Variants in UBE3B observed in about 807,000 individuals in gnomAD.
UBE3B encodes the protein ubiquitin protein ligase E3B.
In UBE3B, 80 loss-of-function variants were observed where a neutral mutation model predicts 132.3. The ratio of observed to expected loss-of-function variants is 0.60; its 90% CI spans 0.50 to 0.73. The LOEUF is 0.73. Ranked by LOEUF, UBE3B falls within the 30% of genes least tolerant of loss-of-function variation. The pLI is 0.00. For synonymous variants in UBE3B, 487 were observed against 520.4 expected, an observed-to-expected ratio of 0.94 and a Z score of 0.87; for missense variants, 1,196 against 1,362.5, an observed-to-expected ratio of 0.88 and a Z score of 1.92.
downstream of UBE3B, among the ~76,000 whole-genome samples, chr12:109,539,729 C>T (rs1225346212): frequency 2.6e-5 from 4 of 152,134 alleles, no homozygotes; most frequent in Admixed American, 2.0e-4. Flanking sequence ...CCTTGCAAGA[C>T]GCTTTGGCTG....
chr12:109,481,182 T>G (rs1317316455), intron 1 of UBE3B, among the ~76,000 whole-genome samples: 1 of 151,478 alleles, frequency 6.6e-6, no homozygotes, highest in Non-Finnish European at 1.5e-5. Context: ...TAGGGTATGG[T>G]GGCACACACC....
At chr12:109,545,485 C>T in the UBE3B span, among the ~76,000 whole-genome samples, 23 of 152,222 alleles carry the variant, frequency 1.5e-4, no homozygotes, top group African/African-American at 5.5e-4. Flanking sequence ...GCATCTAGTG[C>T]TGTGCTATTC....
Position 109,534,659 on chromosome 12 carries a change from C to T in UBE3B, c.3084C>T (p.Gly1028=), listed in dbSNP as rs1446322107. Residue 1028 remains glycine, a synonymous_variant, in exon 28 of 28, where the codon GGC becomes GGT. Coordinates refer to ENST00000342494, the MANE Select transcript of UBE3B (RefSeq NM_130466.4). The surrounding 1 kb of genome is among the most constrained non-coding windows in gnomAD (Gnocchi z 5.2). The part of the protein sequence containing the change: ...FFTIRKREPG[G]RLPTSSTCFN... Reference sequence around the variant, plus strand: ...CCATCCGCAAGCGGGAGCCAGGCGGCCGCCTGCCCACCTCCTCCACCTGCT... The same window carrying T: ...CCATCCGCAAGCGGGAGCCAGGCGGTCGCCTGCCCACCTCCTCCACCTGCT... 1 of 1,611,626 alleles carries T rather than the reference C, an allele frequency of 6.2e-7. No homozygotes were observed. The highest frequency in any genetic ancestry group is 8.5e-7 in the Non-Finnish European group (1 of 1,178,934).
chr12:109,524,060 T>C lies in UBE3B; in HGVS notation c.2447T>C (p.Val816Ala). The C allele has an allele frequency of 1.2e-6, 2 of 1,614,208 alleles. No homozygotes were observed. Among genetic ancestry groups the C allele is most frequent in the Non-Finnish European group, 8.5e-7 (1 of 1,180,030 alleles). Residue 816 changes from valine to alanine, a missense_variant, in exon 22 of 28, where the codon GTG becomes GCG. By Grantham distance (64) the Val-to-Ala change is moderately conservative. Transcript: ENST00000342494. Reference sequence around the variant, plus strand: ...CACCACAGCGTCTTCTATAGCTCGGTGGATGAACTGCCTTCTCTGGACTCC... The same window carrying C: ...CACCACAGCGTCTTCTATAGCTCGGCGGATGAACTGCCTTCTCTGGACTCC... ...GHHHSVFYSS[V>A]DELPSLDSEF... is the part of the protein sequence containing the mutation.
At chr12:109,525,562 A>C (rs1882248564) in intron 23 of UBE3B, among the ~76,000 whole-genome samples, 1 of 152,206 alleles carries the variant, frequency 6.6e-6, no homozygotes, top group Non-Finnish European at 1.5e-5. Flanking sequence ...TAGAATCTTC[A>C]CAGAATTTCT....
intron 12 of UBE3B, among the ~76,000 whole-genome samples, chr12:109,500,716 C>T (rs970377609): frequency 6.6e-6 from 1 of 152,196 alleles, no homozygotes; most frequent in Admixed American, 6.5e-5. Context: ...CTTGCTTTGC[C>T]TTGCTTTCCT....
At chr12:109,524,617 C>T in intron 23 of UBE3B, 114 bp downstream of exon 23, 10 of 1,174,866 alleles carry the variant, frequency 8.5e-6, no homozygotes, top group Non-Finnish European at 1.2e-5. Context: ...TGTCTGGTCC[C>T]TTGTCCTCCC....
In UBE3B at chr12:109,477,713, C is replaced by CAGT. The variant is rs1360286865; in HGVS notation, c.-523_-521dup. On this transcript the variant is annotated 5_prime_UTR_variant, in exon 1 of 28. Transcript: ENST00000342494. ...AGAACTCGGGTGTTTTGGGCTGAGA[C>CAGT]AGTGGCAGCTGCGGCCCCGACCCCA... 5.7e-6 allele frequency: 1 copy of CAGT among 174,378 alleles called. No individual in the cohort carries two copies. 10.8% of individuals were successfully genotyped at this position (174,378 alleles called of 1,614,324 possible). A position where few individuals can be genotyped will look rare whatever the true frequency, so the allele number is the denominator to read the frequency against.
chr12:109,509,930 G>A (rs1433074828), intron 16 of UBE3B, among the ~76,000 whole-genome samples: 3 of 152,166 alleles, frequency 2.0e-5, no homozygotes, highest in African/African-American at 7.2e-5. Flanking sequence ...GCTCCCTTCA[G>A]GATTTGCATG....
chr12:109,530,023 C>T lies in UBE3B; in HGVS notation c.2761C>T (p.Gln921Ter). The change falls in exon 25 of 28, where the codon CAG (glutamine) becomes TAG (stop). Residue 921 changes from glutamine (Q) to a stop codon, truncating the protein, a stop_gained. Transcript: ENST00000342494. LOFTEE classifies it high-confidence loss of function. ...CCGAATGTTCTCAACTCCTGAACTG[C>T]AGCGTCTCATCTCTGGCGACAATGC... ...WIRMFSTPEL[Q>*]RLISGDNAEI... The T allele has an allele frequency of 2.5e-6, 4 of 1,613,996 alleles. No homozygotes were observed. Among genetic ancestry groups the T allele is most frequent in the Non-Finnish European group, 3.4e-6 (4 of 1,180,022 alleles).
At chr12:109,539,871 G>A (rs760189196), downstream of UBE3B, among the ~76,000 whole-genome samples, 8 of 151,994 alleles carry the variant, frequency 5.3e-5, no homozygotes, top group South Asian at 4.2e-4. Context: ...TCCTCCACCC[G>A]GGGACCAGCA....
intron 23 of UBE3B, 116 bp downstream of exon 23, chr12:109,524,619 T>A (rs1254757736): frequency 8.7e-7 from 1 of 1,148,692 alleles, no homozygotes; most frequent in East Asian, 2.5e-5. Context: ...TCTGGTCCCT[T>A]GTCCTCCCCA....
chr12:109,508,797 C>T (rs1484555131), intron 15 of UBE3B: 8 of 938,738 alleles, frequency 8.5e-6, no homozygotes, highest in Non-Finnish European at 1.0e-5. Context: ...TCTTAAATGG[C>T]TCATTTATTC....
chr12:109,521,312 C>CA lies in UBE3B; in HGVS notation c.2243dup (p.Asn748LysfsTer10). The stretch of plus-strand genomic sequence containing the variant: ...TCAAGAGAGTTTTTGACCCAGCACT[C>CA]AATCTGTTCAAGGTATTTAAGGGGA... On this transcript the variant is annotated frameshift_variant, in exon 20 of 28. Coordinates refer to ENST00000342494, the MANE Select transcript of UBE3B (RefSeq NM_130466.4). LOFTEE classifies it high-confidence loss of function. The surrounding 1 kb of genome is among the most constrained non-coding windows in gnomAD (Gnocchi z 4.2). 1 of 1,614,178 alleles carries CA rather than the reference C, an allele frequency of 6.2e-7. No individual in the cohort carries two copies. Among genetic ancestry groups the CA allele is most frequent in the Non-Finnish European group, 8.5e-7 (1 of 1,180,036 alleles).
chr12:109,531,810 A>G (rs1882969326), intron 26 of UBE3B, among the ~76,000 whole-genome samples: 1 of 152,086 alleles, frequency 6.6e-6, no homozygotes, highest in Non-Finnish European at 1.5e-5. Flanking sequence ...CTGCCAAGCT[A>G]TAAAACGGCT....
intron 14 of UBE3B, among the ~76,000 whole-genome samples, chr12:109,503,562 C>G (rs1247639131): frequency 6.6e-6 from 1 of 152,084 alleles, no homozygotes; most frequent in African/African-American, 2.4e-5. Context: ...GTGTACTGCA[C>G]ATATAAAATA....
At position 109,521,631 on chromosome 12, in the gene UBE3B, C is replaced by T. The variant is rs1261323496; in HGVS notation, c.2364+80C>T. 6 of 1,290,424 alleles carry T rather than the reference C, an allele frequency of 4.6e-6. No individual in the cohort carries two copies. The Admixed American group carries it at 1.3e-4, about 27-fold the overall frequency. 79.9% of individuals were successfully genotyped at this position (1,290,424 alleles called of 1,614,324 possible). ...GCTTCTTCACATACACATATGTGAT[C>T]AGGCTTGGCCATGTAAACTGTCACT... On this transcript the variant is annotated intron_variant, in intron 21 of 27. Transcript: ENST00000342494. The surrounding 1 kb of genome is among the most constrained non-coding windows in gnomAD (Gnocchi z 4.2).
intron 9 of UBE3B, among the ~76,000 whole-genome samples, chr12:109,496,429 A>G (rs1235070977): frequency 6.6e-6 from 1 of 152,232 alleles, no homozygotes; most frequent in Non-Finnish European, 1.5e-5. Flanking sequence ...GTCATGTGGT[A>G]ACTCCATGCT....
chr12:109,543,791 G>A, the UBE3B span, among the ~76,000 whole-genome samples: 3 of 152,016 alleles, frequency 2.0e-5, no homozygotes, highest in South Asian at 4.2e-4. Context: ...CTGAGATTGC[G>A]CCACTGCACT....
Sources: allele counts gnomAD v4.1 joint callset (sites outside exome capture counted in the v4.1 genomes callset), GRCh38; gene constraint gnomAD v4.1.1; non-coding constraint Gnocchi (gnomAD v3.1); transcripts MANE v1.5; gene names NCBI Gene and HGNC (gene_info 2026-07-23, HGNC 2026-07-21).